Variants in FCGRT observed in about 807,000 individuals in gnomAD.
FCGRT encodes the protein Fc gamma receptor and transporter.
In FCGRT, 13 loss-of-function variants were observed where a neutral mutation model predicts 35.7. The ratio of observed to expected loss-of-function variants is 0.36; its 90% confidence interval spans 0.24 to 0.58. The LOEUF (loss-of-function observed/expected upper bound fraction) is 0.58. FCGRT is among the 20% of genes least tolerant of loss of function. The probability of loss-of-function intolerance (pLI) is 0.77; values close to 1 mark genes in which losing one functional copy is unlikely to be tolerated. For missense variants in FCGRT, 455 were observed against 474.9 expected, an observed-to-expected ratio of 0.96 and a Z score of 0.39; for synonymous variants, 233 against 216.5, an observed-to-expected ratio of 1.08 and a Z score of -0.67.
chr19:49,519,761 T>C (rs1041552995), intron 4 of FCGRT, among the ~76,000 whole-genome samples: 1 of 152,058 alleles, frequency 6.6e-6, no homozygotes, highest in Non-Finnish European at 1.5e-5. Context: ...CGGGTGTTGT[T>C]ATGAAGTTCT....
chr19:49,522,934 C>T (rs1314206140), intron 4 of FCGRT, among the ~76,000 whole-genome samples: 4 of 151,630 alleles, frequency 2.6e-5, no homozygotes, highest in African/African-American at 9.7e-5. Context: ...CCGGCCACCA[C>T]GCCCGGCTAA....
chr19:49,517,336 C>G (rs555483544), intron 4 of FCGRT, among the ~76,000 whole-genome samples: 1 of 152,008 alleles, frequency 6.6e-6, no homozygotes, highest in African/African-American at 2.4e-5. Context: ...ACTAAACATA[C>G]AAAAATTAGC....
At chr19:49,525,758 C>T (rs1014633192) in intron 6 of FCGRT, among the ~76,000 whole-genome samples, 185 bp downstream of exon 6, 1 of 147,062 alleles carries the variant, frequency 6.8e-6, no homozygotes, top group Non-Finnish European at 1.5e-5. Context: ...GACCCAGAGA[C>T]GGGGGAACAG....
rs2079984139 is a variant in FCGRT at position 49,513,274 on chromosome 19, C to G, written c.-14-113C>G. The G allele has an allele frequency of 9.4e-6, 4 of 423,558 alleles. No individual in the cohort carries two copies. In the South Asian group the frequency reaches 3.9e-4, roughly 42 times the overall value. The allele number at this position is 423,558 out of a possible 1,614,324, so 26.2% of individuals were successfully genotyped here. On this transcript the variant is annotated intron_variant, in intron 1 of 6. Transcript: ENST00000221466. Reference sequence around the variant, plus strand: ...AGGAGGGCATTGTTGTCAGTCTGGACCGAGCCCGCAGAGCCCCTCCTCGGC... The same window carrying G: ...AGGAGGGCATTGTTGTCAGTCTGGAGCGAGCCCGCAGAGCCCCTCCTCGGC...
chr19:49,525,708 T>G, intron 6 of FCGRT, 135 bp downstream of exon 6: 1 of 677,500 alleles, frequency 1.5e-6, no homozygotes, highest in African/African-American at 1.9e-5. Context: ...AACCCAGAGA[T>G]GGGAGAACAG....
At chr19:49,513,599 AT>A (rs1049544938) in intron 2 of FCGRT, 126 bp downstream of exon 2, 1 of 522,020 alleles carries the variant, frequency 1.9e-6, no homozygotes, top group African/African-American at 2.0e-5. Flanking sequence ...TCTCCGCTCA[AT>A]TAACTTTCTC....
chr19:49,514,401 C>A lies in FCGRT; in HGVS notation c.516C>A (p.Asn172Lys), dbSNP rs777412760. 26 of 1,606,982 alleles carry A rather than the reference C, an allele frequency of 1.6e-5. No individual in the cohort carries two copies. The highest frequency in any genetic ancestry group is 2.7e-5 in the African/African-American group (2 of 74,966). ...GGCAGCAGCAGGACAAGGCGGCCAA[C>A]AAGGAGCTCACCTTCCTGCTATTCT... ...QRWQQQDKAANKELTFLLFSC... is the reference protein window; with the variant it reads ...QRWQQQDKAAKKELTFLLFSC... The change falls in exon 4 of 7, where the codon AAC becomes AAA. Residue 172 changes from asparagine (N) to lysine (K), a missense_variant. By Grantham distance (94) the Asn-to-Lys change is moderately conservative. Around this residue, in one of 3 missense-constraint regions of FCGRT, gnomAD observed 312 missense variants for 296.1 expected, o/e 1.05. Transcript: ENST00000221466.
intron 4 of FCGRT, among the ~76,000 whole-genome samples, chr19:49,521,481 A>G (rs1181777683): frequency 6.6e-6 from 1 of 151,496 alleles, no homozygotes; most frequent in Non-Finnish European, 1.5e-5. Flanking sequence ...GAGGCAGGAG[A>G]ATCGCTTGAC....
Position 49,526,275 on chromosome 19 carries a change from C to T in FCGRT, c.*156C>T. ...CGTCCTGTGGTCTGCCTCAGTTTCC[C>T]CTCCTAATACATATGGCTGTTTTCC... is the stretch of plus-strand genomic sequence containing the variant. On this transcript the variant is annotated 3_prime_UTR_variant, in exon 7 of 7. Transcript: ENST00000221466. 1 of 610,396 alleles carries T rather than the reference C, an allele frequency of 1.6e-6. No homozygotes were observed. 37.8% of individuals were successfully genotyped at this position (610,396 alleles called of 1,614,324 possible).
At chr19:49,521,982 C>G (rs928804193) in intron 4 of FCGRT, among the ~76,000 whole-genome samples, 12 of 151,714 alleles carry the variant, frequency 7.9e-5, no homozygotes, top group African/African-American at 9.7e-5. Flanking sequence ...TTTTCATTCC[C>G]TTAACGAAAC....
chr19:49,522,517 C>T (rs137890131), intron 4 of FCGRT, among the ~76,000 whole-genome samples: 5 of 151,906 alleles, frequency 3.3e-5, no homozygotes, highest in South Asian at 2.1e-4. Flanking sequence ...ATGCAACCTC[C>T]GCCTTCTGGG....
At chr19:49,521,007 G>A (rs1048119234) in intron 4 of FCGRT, 1 of 152,276 alleles carries the variant, frequency 6.6e-6, no homozygotes, top group African/African-American at 2.4e-5. Flanking sequence ...TCCCTGAAAG[G>A]AACTTGGGCA....
At chr19:49,513,538 AG>A in intron 2 of FCGRT, 65 bp downstream of exon 2, 4 of 987,172 alleles carry the variant, frequency 4.1e-6, no homozygotes, top group Non-Finnish European at 5.3e-6. Context: ...CCAGGCAGGC[AG>A]GGGCGAAGCC....
chr19:49,524,907 C>T (rs769683281), intron 5 of FCGRT, 131 bp downstream of exon 5: 46 of 923,802 alleles, frequency 5.0e-5, no homozygotes, highest in Admixed American at 1.6e-4. Flanking sequence ...TTGAACCTCA[C>T]GCCTGTCAGT....
In FCGRT at chr19:49,514,331, C is replaced by T. The variant is rs548660464; in HGVS notation, c.446C>T (p.Thr149Ile). Residue 149 changes from threonine to isoleucine, a missense_variant, in exon 4 of 7, where the codon ACC (threonine) becomes ATC (isoleucine). Physicochemically the swap from Thr to Ile is moderately conservative, Grantham distance 89. Around this residue, in one of 3 missense-constraint regions of FCGRT, gnomAD observed 312 missense variants for 296.1 expected, o/e 1.05. Transcript: ENST00000221466. ...ATGAATTTCGACCTCAAGCAGGGCA[C>T]CTGGGGTGGGGACTGGCCCGAGGCC... ...EFMNFDLKQG[T>I]WGGDWPEALA... 1.2e-6 allele frequency: 2 copies of T among 1,613,712 alleles called. No individual in the cohort carries two copies. Among genetic ancestry groups the T allele is most frequent in the African/African-American group, 1.3e-5 (1 of 75,068 alleles).
intron 4 of FCGRT, among the ~76,000 whole-genome samples, chr19:49,518,138 A>G (rs1312120807): frequency 1.3e-5 from 2 of 152,082 alleles, no homozygotes; most frequent in Non-Finnish European, 2.9e-5. Context: ...TAAGTCCTTT[A>G]GTATGTAACT....
At chr19:49,515,033 AC>A (rs1250158504) in intron 4 of FCGRT, 1 of 139,216 alleles carries the variant, frequency 7.2e-6, no homozygotes, top group African/African-American at 2.8e-5. Context: ...TCGCTCTGTC[AC>A]CCCAGGCTGG....
At chr19:49,519,142 G>A (rs922082717) in intron 4 of FCGRT, among the ~76,000 whole-genome samples, 3 of 152,074 alleles carry the variant, frequency 2.0e-5, no homozygotes, top group South Asian at 2.1e-4. Context: ...GCGCCCGGCC[G>A]GATTCCAATT....
Position 49,525,445 on chromosome 19 carries a change from C to T in FCGRT, c.872-12C>T, listed in dbSNP as rs1348831847. 1.9e-6 allele frequency: 3 copies of T among 1,605,050 alleles called. No homozygotes were observed. In the South Asian group the frequency reaches 3.3e-5, roughly 18 times the overall value. On this transcript the variant is annotated splice_polypyrimidine_tract_variant and intron_variant, in intron 5 of 6. Transcript: ENST00000221466. The stretch of plus-strand genomic sequence containing the variant: ...GGGCTGCTCCACATCTCACAGCGTT[C>T]TCTGGCTGCAGAATCTCCAGCCAAG...
Sources: gnomAD v4.1 joint callset for allele counts (sites outside exome capture counted in the v4.1 genomes callset) on GRCh38, gnomAD v4.1.1 for gene constraint, gnomAD v4.1.1 regional missense constraint, MANE v1.5 for transcripts, NCBI Gene and HGNC (gene_info 2026-07-23, HGNC 2026-07-21) for gene names.